The following LSAMP variants were observed in gnomAD, a reference collection of about 807,000 sequenced individuals.
LSAMP encodes the protein limbic system-associated membrane protein.
LSAMP carries 7 observed loss-of-function variants against 38.6 expected under a neutral mutation model. The observed-to-expected ratio is 0.18, with a 90% CI of 0.10 to 0.34. LSAMP has a LOEUF of 0.34. LSAMP is among the 10% of genes least tolerant of loss of function. LSAMP has a pLI of 1.00. For synonymous variants in LSAMP, 154 were observed against 166.8 expected (o/e 0.92, Z 0.59); for missense variants, 313 against 420.0 (o/e 0.75, Z 2.23).
chr3:116,062,923 G>A (rs1489789009), intron 2 of LSAMP, among the ~76,000 whole-genome samples: 1 of 152,144 alleles, frequency 6.6e-6, no homozygotes, highest in Non-Finnish European at 1.5e-5. Flanking sequence ...ATCAGTAAAT[G>A]AGAAATTCTC....
chr3:115,915,227 A>G (rs1218695287), intron 3 of LSAMP, among the ~76,000 whole-genome samples: 2 of 152,196 alleles, frequency 1.3e-5, no homozygotes, highest in Non-Finnish European at 1.5e-5. Flanking sequence ...CTTTTCTGAG[A>G]CAACTCCCAT....
intron 1 of LSAMP, among the ~76,000 whole-genome samples, chr3:116,346,973 G>T (rs1309660764): frequency 1.3e-5 from 2 of 152,100 alleles, no homozygotes; most frequent in East Asian, 1.9e-4. Context: ...TAAATAAAAT[G>T]ATAAAATGAT....
At chr3:116,161,058 A>G (rs1187494110) in intron 1 of LSAMP, among the ~76,000 whole-genome samples, 1 of 152,248 alleles carries the variant, frequency 6.6e-6, no homozygotes, top group Non-Finnish European at 1.5e-5. Flanking sequence ...GTGCAAGTGA[A>G]GAACTGAGTT....
At chr3:116,075,431 T>A (rs1427435535) in intron 2 of LSAMP, among the ~76,000 whole-genome samples, 1 of 151,908 alleles carries the variant, frequency 6.6e-6, no homozygotes, top group Non-Finnish European at 1.5e-5. Flanking sequence ...CCACAGCACC[T>A]GGCCTTTTTT....
At chr3:116,019,689 G>A in intron 2 of LSAMP, 49 bp from the exon 3 acceptor site, 1 of 1,592,296 alleles carries the variant, frequency 6.3e-7, no homozygotes. Context: ...AGTAAGATTA[G>A]GCTTGTAGCC....
chr3:116,124,777 T>C (rs1041250635), intron 1 of LSAMP, among the ~76,000 whole-genome samples: 6 of 152,210 alleles, frequency 3.9e-5, no homozygotes, highest in Non-Finnish European at 8.8e-5. Flanking sequence ...GACATGGACA[T>C]GGTCATACAC....
At chr3:115,965,966 T>C (rs1334556637) in intron 3 of LSAMP, among the ~76,000 whole-genome samples, 1 of 152,192 alleles carries the variant, frequency 6.6e-6, no homozygotes, top group African/African-American at 2.4e-5. Context: ...AGTTATCTGC[T>C]AATATTGGTC....
At chr3:116,167,298 T>C (rs542332149) in intron 1 of LSAMP, among the ~76,000 whole-genome samples, 1 of 152,172 alleles carries the variant, frequency 6.6e-6, no homozygotes, top group East Asian at 1.9e-4. Flanking sequence ...TTCTTATGCT[T>C]TTGCATCTTC....
At chr3:115,831,745 G>T (rs1934619398) in intron 6 of LSAMP, among the ~76,000 whole-genome samples, 1 of 152,104 alleles carries the variant, frequency 6.6e-6, no homozygotes, top group South Asian at 2.1e-4. Flanking sequence ...ACTCACTTCA[G>T]AATAAATAAA....
chr3:116,017,209 A>C (rs901489798), intron 3 of LSAMP, among the ~76,000 whole-genome samples: 2 of 152,188 alleles, frequency 1.3e-5, no homozygotes, highest in African/African-American at 4.8e-5. Flanking sequence ...TATAAATTCA[A>C]GGGATAAAAA....
intron 1 of LSAMP, among the ~76,000 whole-genome samples, chr3:116,218,228 G>C (rs2046243520): frequency 1.3e-5 from 2 of 152,120 alleles, no homozygotes; most frequent in East Asian, 3.9e-4. Context: ...CTAGATTTAG[G>C]AGAAAGAAGA....
rs764659702 is a variant in LSAMP at position 116,116,198 on chromosome 3, G to A, written c.156-29642C>T. ...GTCTATTGGGTTTTTTATTACTACC[G>A]TCATGTTTGTAATTTCCAGCATCTC... is the stretch of plus-strand genomic sequence containing the variant. On this transcript the variant is annotated intron_variant, in intron 1 of 6. Transcript: ENST00000490035. Among the ~76,000 whole-genome samples, 8 of 149,080 alleles carry A rather than the reference G, an allele frequency of 5.4e-5. No individual in the cohort carries two copies. In the South Asian group the frequency reaches 1.3e-3, roughly 23 times the overall value.
chr3:116,218,933 T>C (rs2046251589), intron 1 of LSAMP, among the ~76,000 whole-genome samples: 1 of 152,206 alleles, frequency 6.6e-6, no homozygotes, highest in African/African-American at 2.4e-5. Flanking sequence ...AAAAGAACCA[T>C]ATACTTTTTC....
chr3:115,997,513 A>G (rs1030829570), intron 3 of LSAMP, among the ~76,000 whole-genome samples: 4 of 151,520 alleles, frequency 2.6e-5, no homozygotes, highest in Admixed American at 2.6e-4. Flanking sequence ...CTGAGGCCTT[A>G]ATGATGAAAA....
intron 3 of LSAMP, among the ~76,000 whole-genome samples, chr3:115,958,998 G>T (rs1246131804): frequency 2.6e-5 from 4 of 152,060 alleles, no homozygotes; most frequent in Non-Finnish European, 5.9e-5. Context: ...AGGGAGGAGT[G>T]CCTAATAAAT....
chr3:116,249,174 AAAC>A (rs1247167917), intron 1 of LSAMP, among the ~76,000 whole-genome samples: 7 of 150,702 alleles, frequency 4.6e-5, no homozygotes, highest in Non-Finnish European at 1.0e-4. Flanking sequence ...GACTAAACTT[AAAC>A]AACACTTTTG....
intron 3 of LSAMP, among the ~76,000 whole-genome samples, chr3:115,944,434 G>A (rs1326399991): frequency 6.6e-6 from 1 of 152,084 alleles, no homozygotes; most frequent in Non-Finnish European, 1.5e-5. Context: ...TTAAGTATTA[G>A]CTCCCTGAAA....
At chr3:115,814,707 T>G (rs1933955249) in intron 6 of LSAMP, among the ~76,000 whole-genome samples, 1 of 152,178 alleles carries the variant, frequency 6.6e-6, no homozygotes, top group Non-Finnish European at 1.5e-5. Context: ...TTATTCCAGT[T>G]TGTAGTTCAG....
chr3:116,232,699 C>CTTTTTTTTTTTTTTTTTTTTTTTTTTT (rs1219296323), intron 1 of LSAMP, among the ~76,000 whole-genome samples: 2 of 99,448 alleles, frequency 2.0e-5, no homozygotes, highest in Non-Finnish European at 4.1e-5. Context: ...TTCTTTCTTT[C>CTTTTTTTTTTTTTTTTTTTTTTTTTTT]TTTTTTTTTT....
Sources: gnomAD v4.1 joint callset for allele counts (sites outside exome capture counted in the v4.1 genomes callset) on GRCh38, gnomAD v4.1.1 for gene constraint, MANE v1.5 for transcripts, NCBI Gene and HGNC (gene_info 2026-07-23, HGNC 2026-07-21) for gene names.